The following FBN1 variants were observed in gnomAD, a reference collection of about 807,000 sequenced individuals.
FBN1 encodes fibrillin-1.
FBN1 carries 29 observed loss-of-function variants against 365.1 expected under a neutral mutation model. That is an observed-to-expected ratio of 0.08 (90% CI 0.06 to 0.11). The LOEUF (loss-of-function observed/expected upper bound fraction) is 0.11. FBN1 is among the 10% of genes least tolerant of loss of function. The pLI is 1.00. For synonymous variants in FBN1, 1,210 were observed against 1,270.5 expected (o/e 0.95, Z 1.01); for missense variants, 2,476 against 3,703.2 (o/e 0.67, Z 8.60).
intron 2 of FBN1, among the ~76,000 whole-genome samples, chr15:48,634,856 AC>A (rs1566942932): frequency 1.2e-5 from 1 of 86,380 alleles, no homozygotes; most frequent in South Asian, 3.5e-4. Flanking sequence ...AAAAAAAAAA[AC>A]CACACACACA....
chr15:48,458,785 A>G (rs1437705842), intron 43 of FBN1, among the ~76,000 whole-genome samples: 1 of 152,246 alleles, frequency 6.6e-6, no homozygotes, highest in African/African-American at 2.4e-5. Flanking sequence ...TTTTAACCCT[A>G]TATGAATGGA....
In FBN1 at chr15:48,495,489, G is replaced by C; in HGVS notation, c.2519C>G (p.Pro840Arg). The C allele has an allele frequency of 1.2e-6, 2 of 1,613,860 alleles. No homozygotes were observed. The highest frequency in any genetic ancestry group is 1.7e-6 in the Non-Finnish European group (2 of 1,179,928). ...AATACCTATGCAGATGGTTTTTGTT[G>C]GATCCAAAGTACTTTCAGAAGAACA... ...CECSSESTLD[P>R]TKTICIETIK... Residue 840 changes from proline (P) to arginine (R), a missense_variant, in exon 21 of 66, where the codon CCA becomes CGA. Coordinates refer to ENST00000316623, the MANE Select transcript of FBN1 (RefSeq NM_000138.5).
At chr15:48,482,946 TAGCTTAAA>T (rs773077596) in intron 31 of FBN1, among the ~76,000 whole-genome samples, 8 of 152,208 alleles carry the variant, frequency 5.3e-5, no homozygotes, top group Non-Finnish European at 1.0e-4. Flanking sequence ...AGACTAAGTG[TAGCTTAAA>T]AGCTTAAAAG....
intron 53 of FBN1, among the ~76,000 whole-genome samples, chr15:48,435,651 G>A (rs755258700): frequency 6.0e-5 from 9 of 149,660 alleles, no homozygotes; most frequent in Non-Finnish European, 1.2e-4. Flanking sequence ...ACAAATCTTT[G>A]ACCAGAGACC....
At chr15:48,520,064 C>T (rs553517860) in intron 10 of FBN1, among the ~76,000 whole-genome samples, 1 of 152,168 alleles carries the variant, frequency 6.6e-6, no homozygotes, top group African/African-American at 2.4e-5. Flanking sequence ...TCCTTTTTCT[C>T]CCCTAGACAC....
chr15:48,619,008 C>T (rs553052944), intron 2 of FBN1, among the ~76,000 whole-genome samples: 2 of 152,204 alleles, frequency 1.3e-5, no homozygotes, highest in Non-Finnish European at 2.9e-5. Flanking sequence ...TAATATATTA[C>T]AATGTAATAA....
intron 58 of FBN1, 32 bp downstream of exon 58, chr15:48,427,535 C>T (rs1021279809): frequency 1.9e-6 from 3 of 1,593,160 alleles, no homozygotes; most frequent in Non-Finnish European, 2.6e-6. Context: ...AATAGATTCC[C>T]TGCAAGTATT....
At chr15:48,560,780 T>G (rs1163545370) in intron 6 of FBN1, among the ~76,000 whole-genome samples, 1 of 152,150 alleles carries the variant, frequency 6.6e-6, no homozygotes, top group African/African-American at 2.4e-5. Flanking sequence ...AGGACTTGGA[T>G]GCCAGAAGAG....
chr15:48,412,426 A>G (rs779167228), intron 65 of FBN1, 143 bp downstream of exon 65: 3 of 887,276 alleles, frequency 3.4e-6, no homozygotes, highest in Admixed American at 3.7e-5. Flanking sequence ...CTCTTGTAAA[A>G]TACAGCCTAG....
chr15:48,606,973 C>T (rs973072805), intron 4 of FBN1, among the ~76,000 whole-genome samples: 1 of 152,132 alleles, frequency 6.6e-6, no homozygotes, highest in African/African-American at 2.4e-5. Flanking sequence ...CATACTTGCT[C>T]CCCATGTGAT....
In FBN1 at chr15:48,487,487, C is replaced by T. The variant is rs367994274; in HGVS notation, c.3338-50G>A. The stretch of plus-strand genomic sequence containing the variant: ...AAAGGTGGGGGCCTCATCTCCTCCA[C>T]CAGACCAAGCACTCCTCCCCCACCC... On this transcript the variant is annotated intron_variant, in intron 27 of 65. Coordinates refer to ENST00000316623, the MANE Select transcript of FBN1 (RefSeq NM_000138.5). 9 of 1,607,904 alleles carry T rather than the reference C, an allele frequency of 5.6e-6. No individual in the cohort carries two copies. In the African/African-American group the frequency reaches 1.1e-4, roughly 19 times the overall value.
At chr15:48,535,875 A>T (rs1049740882) in intron 7 of FBN1, among the ~76,000 whole-genome samples, 1 of 152,212 alleles carries the variant, frequency 6.6e-6, no homozygotes, top group Non-Finnish European at 1.5e-5. Flanking sequence ...TGTATTTTTT[A>T]AAATGTTTTT....
intron 6 of FBN1, among the ~76,000 whole-genome samples, chr15:48,570,237 A>AT (rs1282923509): frequency 2.0e-5 from 3 of 152,146 alleles, no homozygotes; most frequent in Non-Finnish European, 2.9e-5. Flanking sequence ...TTTAGAAGCC[A>AT]TTTTTTCCAA....
intron 6 of FBN1, among the ~76,000 whole-genome samples, chr15:48,575,396 T>G (rs985085293): frequency 6.6e-6 from 1 of 152,200 alleles, no homozygotes; most frequent in African/African-American, 2.4e-5. Context: ...GTTTCTTACA[T>G]GCACATATTG....
At chr15:48,622,736 A>G (rs1205431300) in intron 2 of FBN1, among the ~76,000 whole-genome samples, 1 of 152,022 alleles carries the variant, frequency 6.6e-6, no homozygotes, top group Non-Finnish European at 1.5e-5. Flanking sequence ...GTCAACTCTT[A>G]TCTTTACCTA....
chr15:48,505,273 A>C, intron 15 of FBN1, 126 bp from the exon 16 acceptor site: 1 of 1,141,482 alleles, frequency 8.8e-7, no homozygotes, highest in Non-Finnish European at 1.3e-6. Context: ...ATCAGCAACA[A>C]AAGCTCAAAT....
intron 6 of FBN1, among the ~76,000 whole-genome samples, chr15:48,552,180 T>G (rs2044147329): frequency 6.6e-6 from 1 of 152,216 alleles, no homozygotes. Flanking sequence ...TTTTTTGACT[T>G]TTTAATAGCA....
intron 45 of FBN1, among the ~76,000 whole-genome samples, chr15:48,449,722 T>C (rs938407285): frequency 2.0e-5 from 3 of 152,232 alleles, no homozygotes; most frequent in African/African-American, 7.2e-5. Flanking sequence ...TGTGCCATTC[T>C]GATTTTCCTA....
At chr15:48,514,026 G>A (rs1175843051) in intron 12 of FBN1, among the ~76,000 whole-genome samples, 2 of 152,056 alleles carry the variant, frequency 1.3e-5, no homozygotes, top group African/African-American at 2.4e-5. Flanking sequence ...TTGAAGCTCT[G>A]TTTTTTTCCA....
Sources: allele counts gnomAD v4.1 joint callset (sites outside exome capture counted in the v4.1 genomes callset), GRCh38; gene constraint gnomAD v4.1.1; transcripts MANE v1.5; gene names NCBI Gene and HGNC (gene_info 2026-07-23, HGNC 2026-07-21).